Variants in HPSE2 observed in about 807,000 individuals in gnomAD.
HPSE2 encodes heparanase 2 (inactive).
In HPSE2, 38 loss-of-function variants were observed where a neutral mutation model predicts 60.5. The ratio of observed to expected loss-of-function variants is 0.63; its 90% CI spans 0.48 to 0.82. HPSE2 has a LOEUF of 0.82. Ranked by LOEUF, HPSE2 falls within the 40% of genes least tolerant of loss-of-function variation. HPSE2 has a pLI of 0.00. For synonymous variants in HPSE2, 295 were observed against 293.2 expected (o/e 1.01, Z -0.06); for missense variants, 713 against 740.4 (o/e 0.96, Z 0.43).
At chr10:98,767,243 A>G (rs896681049) in intron 3 of HPSE2, among the ~76,000 whole-genome samples, 8 of 152,172 alleles carry the variant, frequency 5.3e-5, no homozygotes, top group Admixed American at 5.2e-4. Flanking sequence ...GCTATTTGCA[A>G]TAAGAATAAA....
intron 7 of HPSE2, among the ~76,000 whole-genome samples, chr10:98,627,680 A>T (rs1297333788): frequency 6.6e-6 from 1 of 152,204 alleles, no homozygotes; most frequent in South Asian, 2.1e-4. Flanking sequence ...GGATTTTATG[A>T]TATTTAAATT....
intron 6 of HPSE2, among the ~76,000 whole-genome samples, chr10:98,659,982 G>T (rs1565057096): frequency 6.6e-6 from 1 of 152,138 alleles, no homozygotes; most frequent in Non-Finnish European, 1.5e-5. Context: ...AATAAGCTAA[G>T]GATGGGAAAA....
rs141337686 is a variant in HPSE2, at chr10:98,873,902, A to T, written c.611-129846T>A. 8.2e-3 allele frequency among the ~76,000 whole-genome samples: 1,245 copies of T among 152,138 alleles called. 16 individuals are homozygous for T. Among genetic ancestry groups the T allele is most frequent in the African/African-American group, 0.029 (1,195 of 41,518 alleles). ...TATTCTTGACTTTTTAATAATCTCCATTCTGACTGGCATGAAATGGTATCT... is the reference window on the plus strand; with the variant it reads ...TATTCTTGACTTTTTAATAATCTCCTTTCTGACTGGCATGAAATGGTATCT... On this transcript the variant is annotated intron_variant, in intron 3 of 11. Transcript: ENST00000370552.
intron 6 of HPSE2, among the ~76,000 whole-genome samples, chr10:98,677,342 C>T (rs1386863796): frequency 6.6e-6 from 1 of 152,076 alleles, no homozygotes; most frequent in Non-Finnish European, 1.5e-5. Flanking sequence ...GCTGAAATGG[C>T]CATAGGCAAA....
chr10:98,532,457 G>C (rs1943159810), intron 9 of HPSE2, among the ~76,000 whole-genome samples: 1 of 152,064 alleles, frequency 6.6e-6, no homozygotes, highest in Non-Finnish European at 1.5e-5. Context: ...TCACTTATCT[G>C]AAAAAACAAA....
chr10:99,183,943 A>G (rs757961737), intron 2 of HPSE2, among the ~76,000 whole-genome samples: 7 of 152,194 alleles, frequency 4.6e-5, no homozygotes, highest in Admixed American at 3.9e-4. Context: ...ATTAGCATAG[A>G]CTAAGAACTG....
chr10:98,923,662 C>T (rs111400224), intron 3 of HPSE2, among the ~76,000 whole-genome samples: 2,464 of 151,912 alleles, frequency 0.016, 102 homozygotes, highest in East Asian at 0.15. Flanking sequence ...CTTTCTTCTG[C>T]TTGATCAATT....
intron 3 of HPSE2, among the ~76,000 whole-genome samples, chr10:98,842,450 C>T (rs1951937025): frequency 6.7e-6 from 1 of 150,312 alleles, no homozygotes; most frequent in African/African-American, 2.5e-5. Context: ...TCTGTCATGT[C>T]AATGATGTAA....
At chr10:99,313,907 C>A in the HPSE2 span, among the ~76,000 whole-genome samples, 1 of 151,892 alleles carries the variant, frequency 6.6e-6, no homozygotes, top group African/African-American at 2.4e-5. Flanking sequence ...CTGATTGACT[C>A]CAATTTTTAA....
intron 3 of HPSE2, among the ~76,000 whole-genome samples, chr10:98,797,158 T>A (rs1317570391): frequency 2.0e-5 from 3 of 152,054 alleles, no homozygotes; most frequent in Admixed American, 6.5e-5. Flanking sequence ...GCACCAGAGA[T>A]CAATCCTGGA....
At chr10:99,271,250 C>T in the HPSE2 span, among the ~76,000 whole-genome samples, 12 of 152,212 alleles carry the variant, frequency 7.9e-5, no homozygotes, top group South Asian at 1.2e-3. Flanking sequence ...AAGACTCATC[C>T]AAAAAGCTCC....
chr10:98,809,520 A>ATG (rs144009242), intron 3 of HPSE2, among the ~76,000 whole-genome samples: 16,904 of 149,218 alleles, frequency 0.11, 1,251 homozygotes, highest in Non-Finnish European at 0.17. Flanking sequence ...GTATGTGTTT[A>ATG]TGTGTATATA....
At chr10:99,108,658 A>T (rs1844340574) in intron 3 of HPSE2, among the ~76,000 whole-genome samples, 1 of 152,226 alleles carries the variant, frequency 6.6e-6, no homozygotes, top group Non-Finnish European at 1.5e-5. Flanking sequence ...AAAGTGAAAG[A>T]CTTATAGAAA....
chr10:98,693,748 G>T, intron 6 of HPSE2, 152 bp downstream of exon 6: 3 of 719,066 alleles, frequency 4.2e-6, no homozygotes, highest in Non-Finnish European at 7.6e-6. Context: ...GACAGTATGT[G>T]CCATAAAAAC....
intron 3 of HPSE2, among the ~76,000 whole-genome samples, chr10:98,895,274 A>C (rs563908761): frequency 1.5e-4 from 23 of 152,286 alleles, no homozygotes; most frequent in Admixed American, 1.2e-3. Context: ...GAAAATACAG[A>C]GAGTTGAACA....
chr10:98,743,171 C>T (rs1188664895), intron 4 of HPSE2, among the ~76,000 whole-genome samples: 2 of 151,788 alleles, frequency 1.3e-5, no homozygotes, highest in East Asian at 3.9e-4. Flanking sequence ...CGGGGTTTCA[C>T]CATGTTGGCC....
At chr10:98,882,313 T>C (rs908269375) in intron 3 of HPSE2, among the ~76,000 whole-genome samples, 6 of 152,070 alleles carry the variant, frequency 3.9e-5, no homozygotes, top group Admixed American at 1.3e-4. Context: ...TTGGGGGAGT[T>C]TGCTATGCAG....
chr10:99,282,580 C>T, the HPSE2 span, among the ~76,000 whole-genome samples: 3 of 152,236 alleles, frequency 2.0e-5, no homozygotes, highest in Non-Finnish European at 2.9e-5. Context: ...TTCTCAAGTG[C>T]ACAAGAAACA....
At chr10:99,173,713 G>A (rs1351651878) in intron 2 of HPSE2, among the ~76,000 whole-genome samples, 2 of 152,146 alleles carry the variant, frequency 1.3e-5, no homozygotes, top group African/African-American at 4.8e-5. Context: ...GGAGGCTAAG[G>A]CAGGCAGATC....
Sources: gnomAD v4.1 joint callset for allele counts (sites outside exome capture counted in the v4.1 genomes callset) on GRCh38, gnomAD v4.1.1 for gene constraint, MANE v1.5 for transcripts, NCBI Gene and HGNC (gene_info 2026-07-23, HGNC 2026-07-21) for gene names.